IFI44: variants seen among roughly 807,000 people sequenced by gnomAD.
IFI44 encodes the protein interferon-induced protein 44.
IFI44 carries 42 observed loss-of-function variants against 45.0 expected under a neutral mutation model. The observed-to-expected ratio is 0.93, with a 90% CI of 0.73 to 1.21. IFI44 has a LOEUF of 1.21. Ranked by LOEUF, IFI44 falls within the 50% of genes most tolerant of loss-of-function variation. IFI44 has a pLI of 0.00. For synonymous variants in IFI44, 221 were observed against 188.6 expected (o/e 1.17, Z -1.41); for missense variants, 623 against 525.8 (o/e 1.18, Z -1.81).
Position 78,663,911 on chromosome 1 carries a change from T to G in IFI44, c.*100T>G, listed in dbSNP as rs978704133. On this transcript the variant is annotated 3_prime_UTR_variant, in exon 9 of 9. Coordinates refer to ENST00000370747, the MANE Select transcript of IFI44 (RefSeq NM_006417.5). The stretch of plus-strand genomic sequence containing the variant: ...AGAGAAGTATCTAAGACCAAAGGGA[T>G]GTGTTTTATTAATGTCTAGGATGAA... The G allele has an allele frequency of 2.8e-6, 3 of 1,067,650 alleles. No homozygotes were observed. In the Admixed American group the frequency reaches 7.9e-5, roughly 28 times the overall value. The allele number at this position is 1,067,650 out of a possible 1,614,324, so 66.1% of individuals were successfully genotyped here.
chr1:78,650,544 GATGGAAGAA>G lies in IFI44; in HGVS notation c.352_360del (p.Gly118_Asn120del). 1 of 1,613,478 alleles carries G rather than the reference GATGGAAGAA, an allele frequency of 6.2e-7. No homozygotes were observed. Among genetic ancestry groups the G allele is most frequent in the Non-Finnish European group, 8.5e-7 (1 of 1,179,442 alleles). On this transcript the variant is annotated inframe_deletion, in exon 2 of 9. Transcript: ENST00000370747. Reference sequence around the variant, plus strand: ...TAACTCCCCAACTAATTTCCAGATAGATGGAAGAAATAGAAAAGTGATTATGGACTTAAA... The same window carrying G: ...TAACTCCCCAACTAATTTCCAGATAGATAGAAAAGTGATTATGGACTTAAA...
intron 5 of IFI44, 76 bp from the exon 6 acceptor site, chr1:78,659,236 T>C (rs942166190): frequency 3.7e-5 from 44 of 1,199,330 alleles, no homozygotes; most frequent in Non-Finnish European, 3.4e-5. Flanking sequence ...TTGATTCACT[T>C]GCACAGTGCC....
At chr1:78,663,707 C>T in intron 8 of IFI44, 58 bp from the exon 9 acceptor site, 1 of 1,596,106 alleles carries the variant, frequency 6.3e-7, no homozygotes, top group Non-Finnish European at 8.5e-7. Context: ...ATTCCTCTTC[C>T]CTCTGGTTGC....
At chr1:78,662,260 A>T (rs536138522) in intron 7 of IFI44, among the ~76,000 whole-genome samples, 7 of 152,208 alleles carry the variant, frequency 4.6e-5, no homozygotes, top group Admixed American at 1.3e-4. Context: ...GAGGAAACAA[A>T]GAAAACAGAG....
intron 7 of IFI44, chr1:78,660,856 C>T: frequency 3.6e-6 from 2 of 553,332 alleles, no homozygotes; most frequent in Non-Finnish European, 6.5e-6. Flanking sequence ...CAGGACTTTG[C>T]ATTGTTACCA....
rs1243381921 is a variant in IFI44, at chr1:78,655,094, T to C, written c.575T>C (p.Leu192Pro). Residue 192 changes from leucine to proline, a missense_variant, in exon 4 of 9, where the codon CTG (leucine) becomes CCG (proline). Leu to Pro is a moderately conservative substitution (Grantham distance 98, BLOSUM62 -3). Coordinates refer to ENST00000370747, the MANE Select transcript of IFI44 (RefSeq NM_006417.5). ...SLVQQIRILL[L>P]GPIGAGKSSF... is the part of the protein sequence containing the mutation. ...GTTCAACAAATACGAATTCTGCTGC[T>C]GGGTCCAATTGGAGCTGGGAAGTCC... 1 of 1,613,976 alleles carries C rather than the reference T, an allele frequency of 6.2e-7. No individual in the cohort carries two copies. The highest frequency in any genetic ancestry group is 8.5e-7 in the Non-Finnish European group (1 of 1,179,890).
In IFI44 at chr1:78,659,431, C is replaced by T. The variant is rs754945172; in HGVS notation, c.960C>T (p.Ser320=). ...VFDASSIQYF[S]SQMIVKIKRI... is the part of the protein sequence containing the mutation. ...ATGCCAGCTCTATTCAATACTTCTC[C>T]TCTCAGATGATAGTAAAGATCAAAA... The change falls in exon 6 of 9, where the codon TCC becomes TCT. Residue 320 remains serine, a synonymous_variant. Transcript: ENST00000370747. 1 of 1,613,468 alleles carries T rather than the reference C, an allele frequency of 6.2e-7. No individual in the cohort carries two copies. The highest frequency in any genetic ancestry group is 1.1e-5 in the South Asian group (1 of 91,062).
At chr1:78,651,012 T>A (rs1269045527) in intron 2 of IFI44, among the ~76,000 whole-genome samples, 1 of 152,202 alleles carries the variant, frequency 6.6e-6, no homozygotes, top group African/African-American at 2.4e-5. Flanking sequence ...ACATGCTGTA[T>A]GTTGTTTTGC....
rs1376447798 is a variant in IFI44, at chr1:78,654,171, G to C, written c.458-72G>C. On this transcript the variant is annotated intron_variant, in intron 2 of 8. Transcript: ENST00000370747. ...TGTATTTGTCCCTAGTGAATTCACT[G>C]ATATTCATTCATTCATTCAGCCAAT... The C allele has an allele frequency of 3.6e-6, 3 of 834,868 alleles. No individual in the cohort carries two copies. The East Asian group carries it at 7.3e-5, about 20-fold the overall frequency. 51.7% of individuals were successfully genotyped at this position (834,868 alleles called of 1,614,324 possible). A position where few individuals can be genotyped will look rare whatever the true frequency, so the allele number is the denominator to read the frequency against.
intron 5 of IFI44, among the ~76,000 whole-genome samples, chr1:78,658,847 T>C (rs1557704154): frequency 6.6e-6 from 1 of 152,168 alleles, no homozygotes; most frequent in Non-Finnish European, 1.5e-5. Flanking sequence ...AATCTTTGCA[T>C]ATATCATTTT....
At chr1:78,662,494 A>G in intron 7 of IFI44, 1 of 528,204 alleles carries the variant, frequency 1.9e-6, no homozygotes, top group East Asian at 3.2e-5. Context: ...TTTAGAATCC[A>G]CTGCATGTAT....
intron 5 of IFI44, among the ~76,000 whole-genome samples, chr1:78,658,981 T>TC (rs1159688821): frequency 6.6e-6 from 1 of 152,078 alleles, no homozygotes; most frequent in Non-Finnish European, 1.5e-5. Flanking sequence ...AGCTTTTTTT[T>TC]CTGAATGCTC....
rs1393250637 is a variant in IFI44 at position 78,650,140 on chromosome 1, T to C, written c.-10-46T>C. ...ATGCAAATTTTATAACTACATATTA[T>C]CTGTTTTTTAATATTTAATGGAAAA... On this transcript the variant is annotated intron_variant, in intron 1 of 8. Transcript: ENST00000370747. 3 of 1,338,080 alleles carry C rather than the reference T, an allele frequency of 2.2e-6. No homozygotes were observed. The African/African-American group carries it at 4.5e-5, about 20-fold the overall frequency. 82.9% of individuals were successfully genotyped at this position (1,338,080 alleles called of 1,614,324 possible). A position where few individuals can be genotyped will look rare whatever the true frequency, so the allele number is the denominator to read the frequency against.
intron 5 of IFI44, among the ~76,000 whole-genome samples, chr1:78,658,737 C>G (rs1017592681): frequency 5.9e-5 from 9 of 152,126 alleles, no homozygotes; most frequent in African/African-American, 2.2e-4. Flanking sequence ...TGCTGCTACT[C>G]CCTTCTTAGA....
At chr1:78,657,261 T>C (rs1647234601) in intron 5 of IFI44, among the ~76,000 whole-genome samples, 1 of 152,106 alleles carries the variant, frequency 6.6e-6, no homozygotes, top group Admixed American at 6.6e-5. Flanking sequence ...CTATTCAGTC[T>C]CTTTGATTGT....
intron 2 of IFI44, among the ~76,000 whole-genome samples, chr1:78,653,698 A>T (rs924014057): frequency 6.6e-6 from 1 of 152,148 alleles, no homozygotes; most frequent in Admixed American, 6.6e-5. Flanking sequence ...CATGAGTCTC[A>T]TCTTCTCTTC....
intron 8 of IFI44, 191 bp downstream of exon 8, chr1:78,663,069 C>A: frequency 1.1e-5 from 11 of 985,244 alleles, no homozygotes; most frequent in Non-Finnish European, 1.3e-5. Flanking sequence ...GGAGTTCATA[C>A]TAGAGAATCT....
chr1:78,663,853 AT>A lies in IFI44; in HGVS notation c.*44del. On this transcript the variant is annotated 3_prime_UTR_variant, in exon 9 of 9. Transcript: ENST00000370747. ...CGTAAATTTCCTCACATCACAGAAG[AT>A]TAAAATTCAGAAAGGAGAAAACACA... is the stretch of plus-strand genomic sequence containing the variant. The A allele has an allele frequency of 6.3e-7, 1 of 1,586,644 alleles. No individual in the cohort carries two copies. Among genetic ancestry groups the A allele is most frequent in the Non-Finnish European group, 8.6e-7 (1 of 1,162,918 alleles).
At chr1:78,652,976 GT>G (rs1281811233) in intron 2 of IFI44, among the ~76,000 whole-genome samples, 4 of 152,062 alleles carry the variant, frequency 2.6e-5, no homozygotes, top group Admixed American at 2.6e-4. Context: ...TCAGCATTTT[GT>G]TTTATTTTTA....
Sources: gnomAD v4.1 joint callset for allele counts (sites outside exome capture counted in the v4.1 genomes callset) on GRCh38, gnomAD v4.1.1 for gene constraint, MANE v1.5 for transcripts, NCBI Gene and HGNC (gene_info 2026-07-23, HGNC 2026-07-21) for gene names.